Variants in SLC12A8 observed in about 807,000 individuals in gnomAD.
The protein encoded by SLC12A8 is cation-chloride cotransporter 9.
SLC12A8 carries 69 observed loss-of-function variants against 75.6 expected under a neutral mutation model. The ratio of observed to expected loss-of-function variants is 0.91; its 90% CI spans 0.75 to 1.11. SLC12A8 has a LOEUF of 1.11. Among genes scored for constraint, SLC12A8 ranks in the 50% most tolerant of loss-of-function variants. SLC12A8 has a pLI of 0.00. For synonymous variants in SLC12A8, 365 were observed against 372.8 expected, an observed-to-expected ratio of 0.98 and a Z score of 0.24; for missense variants, 877 against 896.7, an observed-to-expected ratio of 0.98 and a Z score of 0.28.
At chr3:125,137,731 A>T (rs1343372670) in intron 5 of SLC12A8, among the ~76,000 whole-genome samples, 1 of 152,232 alleles carries the variant, frequency 6.6e-6, no homozygotes, top group African/African-American at 2.4e-5. Context: ...GTTCAGAGGG[A>T]TTTCAGGCCC....
At chr3:125,162,255 G>A (rs1267960774) in intron 5 of SLC12A8, among the ~76,000 whole-genome samples, 1 of 152,122 alleles carries the variant, frequency 6.6e-6, no homozygotes, top group African/African-American at 2.4e-5. Context: ...CAAACCTATT[G>A]AGCCCCTGCC....
intron 7 of SLC12A8, chr3:125,119,951 C>T: frequency 2.2e-6 from 1 of 456,132 alleles, no homozygotes; most frequent in Admixed American, 2.4e-5. Context: ...GGTTACCCAG[C>T]CTGCTTGTGT....
chr3:125,142,845 T>G (rs1052636134), intron 5 of SLC12A8, among the ~76,000 whole-genome samples: 6 of 152,204 alleles, frequency 3.9e-5, no homozygotes, highest in Non-Finnish European at 8.8e-5. Flanking sequence ...GGACACACTG[T>G]CCAAATACAC....
chr3:125,202,446 G>A (rs1357614671), intron 2 of SLC12A8, among the ~76,000 whole-genome samples: 2 of 152,130 alleles, frequency 1.3e-5, no homozygotes, highest in Non-Finnish European at 2.9e-5. Flanking sequence ...CAAATTACAA[G>A]AATAGTACTT....
intron 10 of SLC12A8, among the ~76,000 whole-genome samples, chr3:125,102,492 T>C (rs892873726): frequency 1.3e-5 from 2 of 152,036 alleles, no homozygotes; most frequent in Non-Finnish European, 2.9e-5. Context: ...TGATGAGAGT[T>C]TTATTTTAGA....
At chr3:125,131,613 CCCGGG>C (rs1933359904) in intron 6 of SLC12A8, among the ~76,000 whole-genome samples, 2 of 152,160 alleles carry the variant, frequency 1.3e-5, no homozygotes, top group Non-Finnish European at 1.5e-5. Flanking sequence ...GTCTCAAACT[CCCGGG>C]CTCAAGTGAT....
intron 6 of SLC12A8, among the ~76,000 whole-genome samples, chr3:125,133,344 T>TACACAC (rs374385025): frequency 6.7e-6 from 1 of 149,176 alleles, no homozygotes; most frequent in Non-Finnish European, 1.5e-5. Flanking sequence ...TAATCAGGAA[T>TACACAC]ACACACACAC....
intron 6 of SLC12A8, among the ~76,000 whole-genome samples, chr3:125,130,734 G>T (rs2107757815): frequency 6.6e-6 from 1 of 152,358 alleles, no homozygotes; most frequent in Middle Eastern, 3.4e-3. Context: ...TCAGGCTGCT[G>T]CTAACTCCTG....
At chr3:125,146,775 G>A (rs1435127286) in intron 5 of SLC12A8, among the ~76,000 whole-genome samples, 2 of 152,254 alleles carry the variant, frequency 1.3e-5, no homozygotes, top group Non-Finnish European at 2.9e-5. Flanking sequence ...GACTAGCTGG[G>A]ACTACAGGCT....
chr3:125,186,553 C>A (rs1934787270), intron 4 of SLC12A8, among the ~76,000 whole-genome samples: 1 of 152,226 alleles, frequency 6.6e-6, no homozygotes, highest in Admixed American at 6.5e-5. Flanking sequence ...CTTTTTCAAT[C>A]CAAGAAATGC....
At chr3:125,103,823 C>T (rs560699846) in intron 10 of SLC12A8, among the ~76,000 whole-genome samples, 23 of 151,788 alleles carry the variant, frequency 1.5e-4, no homozygotes, top group Non-Finnish European at 3.1e-4. Flanking sequence ...TTGTAGCAGC[C>T]GGATCTCGCT....
intron 8 of SLC12A8, chr3:125,110,619 A>C (rs575324900): frequency 7.9e-6 from 2 of 253,026 alleles, no homozygotes; most frequent in East Asian, 1.4e-4. Flanking sequence ...GCCCCTCCTC[A>C]GAGTTCCTGG....
intron 10 of SLC12A8, among the ~76,000 whole-genome samples, chr3:125,105,784 C>T (rs1245045492): frequency 1.3e-5 from 2 of 152,082 alleles, no homozygotes; most frequent in Non-Finnish European, 2.9e-5. Context: ...AATTTCAGCA[C>T]TTTGGGAGGC....
At chr3:125,174,919 A>G (rs1251350077) in intron 5 of SLC12A8, among the ~76,000 whole-genome samples, 3 of 152,262 alleles carry the variant, frequency 2.0e-5, no homozygotes, top group Non-Finnish European at 4.4e-5. Flanking sequence ...CAAAATCCAT[A>G]GAATGTATAA....
At chr3:125,098,063 A>C (rs1211896297) in intron 10 of SLC12A8, among the ~76,000 whole-genome samples, 1 of 152,178 alleles carries the variant, frequency 6.6e-6, no homozygotes, top group African/African-American at 2.4e-5. Flanking sequence ...AAAGGAGGAA[A>C]CCCCAATTAT....
intron 10 of SLC12A8, among the ~76,000 whole-genome samples, chr3:125,101,789 G>T (rs190843832): frequency 4.6e-5 from 7 of 152,268 alleles, no homozygotes; most frequent in Admixed American, 3.3e-4. Flanking sequence ...GTTTGTCAAC[G>T]ATTAGGTTCT....
chr3:125,182,541 C>G (rs192225106), intron 4 of SLC12A8, among the ~76,000 whole-genome samples: 418 of 148,238 alleles, frequency 2.8e-3, no homozygotes, highest in Non-Finnish European at 4.8e-3. Flanking sequence ...GAGTCTTGCT[C>G]TGTCGCCTAG....
At chr3:125,114,158 G>A (rs1314068659) in intron 8 of SLC12A8, among the ~76,000 whole-genome samples, 2 of 152,090 alleles carry the variant, frequency 1.3e-5, no homozygotes, top group African/African-American at 4.8e-5. Context: ...TCTCACTTGA[G>A]AGCCATTTTC....
At chr3:125,084,173 C>A in intron 13 of SLC12A8, 121 bp from the exon 14 acceptor site, 2 of 791,230 alleles carry the variant, frequency 2.5e-6, no homozygotes, top group Non-Finnish European at 4.0e-6. Context: ...ATGTTTAAAA[C>A]ATAATTCTTG....
Sources: allele counts gnomAD v4.1 joint callset (sites outside exome capture counted in the v4.1 genomes callset), GRCh38; gene constraint gnomAD v4.1.1; transcripts MANE v1.5; gene names NCBI Gene and HGNC (gene_info 2026-07-23, HGNC 2026-07-21).